Variants in CRKL observed in about 807,000 individuals in gnomAD.
CRKL encodes crk-like protein.
In CRKL, 3 loss-of-function variants were observed where a neutral mutation model predicts 23.0. That is an observed-to-expected ratio of 0.13 (90% CI 0.06 to 0.34). The LOEUF is 0.34. Among genes scored for constraint, CRKL ranks in the 10% least tolerant of loss-of-function variants. The pLI, the probability that CRKL is intolerant of heterozygous loss-of-function variation, is 1.00. For synonymous variants in CRKL, 188 were observed against 160.7 expected, an observed-to-expected ratio of 1.17 and a Z score of -1.28; for missense variants, 256 against 394.5, an observed-to-expected ratio of 0.65 and a Z score of 2.97.
At chr22:20,931,479 A>T (rs1921450946) in intron 1 of CRKL, among the ~76,000 whole-genome samples, 1 of 152,186 alleles carries the variant, frequency 6.6e-6, no homozygotes, top group Non-Finnish European at 1.5e-5. Flanking sequence ...GGTACATTGG[A>T]TGCTTGGTGC....
chr22:20,924,964 C>T (rs1015902817), intron 1 of CRKL, among the ~76,000 whole-genome samples: 8 of 152,040 alleles, frequency 5.3e-5, no homozygotes, highest in East Asian at 3.9e-4. Context: ...CTTAGGCGGG[C>T]GGATCATGAG....
intron 1 of CRKL, among the ~76,000 whole-genome samples, chr22:20,933,159 A>AC (rs1921516984): frequency 6.6e-6 from 1 of 151,674 alleles, no homozygotes; most frequent in African/African-American, 2.4e-5. Context: ...TCACGAGGTC[A>AC]GGAGATCAAG....
intron 1 of CRKL, among the ~76,000 whole-genome samples, chr22:20,927,743 T>G (rs1202458328): frequency 7.1e-6 from 1 of 140,408 alleles, no homozygotes; most frequent in Non-Finnish European, 1.5e-5. Flanking sequence ...CTTGGGACGC[T>G]GAGGCAGGAT....
intron 1 of CRKL, among the ~76,000 whole-genome samples, chr22:20,931,050 C>T (rs911399303): frequency 1.3e-5 from 2 of 152,042 alleles, no homozygotes; most frequent in Admixed American, 6.6e-5. Context: ...TGACTGTGCT[C>T]TTAATAGTGT....
intron 1 of CRKL, among the ~76,000 whole-genome samples, chr22:20,920,227 G>A (rs1001907306): frequency 1.3e-5 from 2 of 152,160 alleles, no homozygotes; most frequent in Admixed American, 6.5e-5. Flanking sequence ...TAATGGGCGG[G>A]TGTGGTAGCT....
At chr22:20,936,453 A>G (rs1601681009) in intron 2 of CRKL, among the ~76,000 whole-genome samples, 2 of 152,070 alleles carry the variant, frequency 1.3e-5, no homozygotes, top group South Asian at 4.1e-4. Flanking sequence ...GATTCAAGCC[A>G]TTCTCCTGCC....
chr22:20,944,856 G>T (rs1190517570), intron 2 of CRKL, among the ~76,000 whole-genome samples: 1 of 151,744 alleles, frequency 6.6e-6, no homozygotes, highest in East Asian at 1.9e-4. Flanking sequence ...TGGGACTACA[G>T]GTGCCTGCCA....
intron 2 of CRKL, among the ~76,000 whole-genome samples, chr22:20,949,346 C>T (rs1601687670): frequency 1.3e-5 from 2 of 152,132 alleles, no homozygotes; most frequent in Admixed American, 1.3e-4. Context: ...AGGCTGGTCT[C>T]GAACTCCTGA....
In CRKL at chr22:20,930,680, C is replaced by CT. The variant is rs151090592; in HGVS notation, c.312-3070dup. Among the ~76,000 whole-genome samples, 215 of 48,046 alleles carry CT rather than the reference C, an allele frequency of 4.5e-3. 7 individuals are homozygous for CT. The highest frequency in any genetic ancestry group is 5.8e-3 in the Non-Finnish European group (164 of 28,424). 31.5% of individuals were successfully genotyped at this position (48,046 alleles called of 152,430 possible). On this transcript the variant is annotated intron_variant, in intron 1 of 2. Coordinates refer to ENST00000354336, the MANE Select transcript of CRKL (RefSeq NM_005207.4). ...CAGGCGTGAGCCACCACACGCCTGG[C>CT]TTTTTTTTTTTTTTTTTTTTTTTTT...
At chr22:20,927,163 G>C (rs1299711410) in intron 1 of CRKL, among the ~76,000 whole-genome samples, 2 of 131,136 alleles carry the variant, frequency 1.5e-5, no homozygotes, top group Non-Finnish European at 3.2e-5. Context: ...AGTTTCACTA[G>C]AGAAGTACTT....
chr22:20,919,571 T>C (rs1247353240), intron 1 of CRKL, among the ~76,000 whole-genome samples: 1 of 152,238 alleles, frequency 6.6e-6, no homozygotes, highest in Non-Finnish European at 1.5e-5. Flanking sequence ...ATTGTTGTGT[T>C]TGCCCTGTAA....
intron 1 of CRKL, among the ~76,000 whole-genome samples, chr22:20,929,016 G>A (rs1204423185): frequency 1.3e-5 from 2 of 152,038 alleles, no homozygotes; most frequent in Non-Finnish European, 2.9e-5. Context: ...TGAGAGATTC[G>A]TTATCATCAG....
At chr22:20,920,145 A>T (rs1364976234) in intron 1 of CRKL, among the ~76,000 whole-genome samples, 1 of 152,204 alleles carries the variant, frequency 6.6e-6, no homozygotes, top group Non-Finnish European at 1.5e-5. Context: ...AATACCAGGC[A>T]TTCATTAAGC....
At chr22:20,936,125 A>C (rs1474625489) in intron 2 of CRKL, among the ~76,000 whole-genome samples, 1 of 152,132 alleles carries the variant, frequency 6.6e-6, no homozygotes, top group Admixed American at 6.5e-5. Flanking sequence ...ATGACACTGC[A>C]TTTAAGCCTG....
intron 1 of CRKL, among the ~76,000 whole-genome samples, chr22:20,931,296 A>G (rs1921444558): frequency 6.6e-6 from 1 of 152,128 alleles, no homozygotes; most frequent in African/African-American, 2.4e-5. Context: ...AGTCCCAGCT[A>G]CTCAGGAGGC....
intron 2 of CRKL, among the ~76,000 whole-genome samples, chr22:20,947,438 T>C (rs1440192454): frequency 6.6e-6 from 1 of 151,896 alleles, no homozygotes. Context: ...GTTCAAGTGA[T>C]TCTCCTGCGT....
In CRKL at chr22:20,933,710, TAAG is replaced by T. The variant is rs1313915464; in HGVS notation, c.312-65_312-63del. 5 of 1,257,790 alleles carry T rather than the reference TAAG, an allele frequency of 4.0e-6. No homozygotes were observed. The African/African-American group carries it at 7.5e-5, about 19-fold the overall frequency. The allele number at this position is 1,257,790 out of a possible 1,614,324, so 77.9% of individuals were successfully genotyped here. A position where few individuals can be genotyped will look rare whatever the true frequency, so the allele number is the denominator to read the frequency against. ...TTTATTATAGAGGAGAGTGGTATAT[TAAG>T]AAGTTTGACAGGCACTGGCTTAGAG... On this transcript the variant is annotated intron_variant, in intron 1 of 2. Coordinates refer to ENST00000354336, the MANE Select transcript of CRKL (RefSeq NM_005207.4).
rs1922196640 is a variant in CRKL, at chr22:20,949,723, G to A, written c.790G>A (p.Val264Met). 6.2e-7 allele frequency: 1 copy of A among 1,612,754 alleles called. No individual in the cohort carries two copies. The highest frequency in any genetic ancestry group is 8.5e-7 in the Non-Finnish European group (1 of 1,179,566). ...TALALEVGDI[V>M]KVTRMNINGQ... is the part of the protein sequence containing the mutation. ...TTCATCCATACAGGTTGGTGACATCGTGAAAGTCACAAGGATGAATATAAA... is the reference window on the plus strand; with the variant it reads ...TTCATCCATACAGGTTGGTGACATCATGAAAGTCACAAGGATGAATATAAA... Residue 264 changes from valine (V) to methionine (M), a missense_variant, in exon 3 of 3, where the codon GTG becomes ATG. Val to Met is a conservative substitution (Grantham distance 21). Transcript: ENST00000354336.
chr22:20,949,368 C>G (rs1922183767), intron 2 of CRKL, among the ~76,000 whole-genome samples: 1 of 152,158 alleles, frequency 6.6e-6, no homozygotes, highest in African/African-American at 2.4e-5. Context: ...CTCAAGTAAT[C>G]CCAGGAGTTC....
Sources: gnomAD v4.1 joint callset for allele counts (sites outside exome capture counted in the v4.1 genomes callset) on GRCh38, gnomAD v4.1.1 for gene constraint, MANE v1.5 for transcripts, NCBI Gene and HGNC (gene_info 2026-07-23, HGNC 2026-07-21) for gene names.